STAB1: variants seen among roughly 807,000 people sequenced by gnomAD.
STAB1 encodes stabilin 1.
In STAB1, 250 loss-of-function variants were observed where a neutral mutation model predicts 332.4. That is an observed-to-expected ratio of 0.75 (90% CI 0.68 to 0.84). The LOEUF is 0.84. STAB1 is among the 40% of genes least tolerant of loss of function. The pLI is 0.00. For synonymous variants in STAB1, 1,475 were observed against 1,390.4 expected, an observed-to-expected ratio of 1.06 and a Z score of -1.35; for missense variants, 3,249 against 3,489.7, an observed-to-expected ratio of 0.93 and a Z score of 1.74.
At chr3:52,506,889 C>A (rs1474656555) in intron 18 of STAB1, 39 bp downstream of exon 18, 5 of 1,601,990 alleles carry the variant, frequency 3.1e-6, no homozygotes, top group East Asian at 2.2e-5. Context: ...TACTCACTAA[C>A]CCCTGTCAGC....
In STAB1 at chr3:52,518,789, C is replaced by A; in HGVS notation, c.4954C>A (p.Arg1652=). ...VFRYHVVGCR[R]LRSEDLLEQG... ...TCGCTACCACGTGGTTGGCTGTCGG[C>A]GGCTGCGGAGCGAGGACCTGCTGGA... Residue 1652 remains arginine (R), a synonymous_variant, in exon 48 of 69, where the codon CGG becomes AGG. Transcript: ENST00000321725. The A allele has an allele frequency of 1.2e-6, 2 of 1,612,094 alleles. No individual in the cohort carries two copies. The highest frequency in any genetic ancestry group is 1.1e-5 in the South Asian group (1 of 91,068).
In STAB1 at chr3:52,515,450, C is replaced by A; in HGVS notation, c.3892C>A (p.Arg1298=). The change falls in exon 37 of 69, where the codon CGA becomes AGA. Residue 1298 remains arginine, a synonymous_variant. Transcript: ENST00000321725. ...QDTPRKSCVY[R]SGFSFSRGCS... is the part of the protein sequence containing the mutation. Reference sequence around the variant, plus strand: ...CACACCCAGGAAGAGCTGTGTCTACCGATCTGGCTTCTCCTTCTCCCGGGG... The same window carrying A: ...CACACCCAGGAAGAGCTGTGTCTACAGATCTGGCTTCTCCTTCTCCCGGGG... 3.1e-6 allele frequency: 5 copies of A among 1,613,448 alleles called. No homozygotes were observed. The highest frequency in any genetic ancestry group is 4.2e-6 in the Non-Finnish European group (5 of 1,180,014).
At chr3:52,508,392 G>T (rs1344190048) in intron 21 of STAB1, 33 bp downstream of exon 21, 1 of 1,607,040 alleles carries the variant, frequency 6.2e-7, no homozygotes, top group South Asian at 1.1e-5. Flanking sequence ...GTGAGGTATG[G>T]GGAACACAAG....
chr3:52,498,842 C>T (rs1240530150), intron 1 of STAB1, among the ~76,000 whole-genome samples: 1 of 152,248 alleles, frequency 6.6e-6, no homozygotes, highest in Admixed American at 6.5e-5. Context: ...CTCCCTGGCT[C>T]AGCAAAGGCG....
Position 52,518,346 on chromosome 3 carries a change from G to A in STAB1, c.4796G>A (p.Ser1599Asn). Residue 1599 changes from serine to asparagine, a missense_variant, in exon 46 of 69, where the codon AGC becomes AAC. Physicochemically the swap from Ser to Asn is conservative, Grantham distance 46. Coordinates refer to ENST00000321725, the MANE Select transcript of STAB1 (RefSeq NM_015136.3). ...AGGGATAAGCATGCCTCATTCTTCA[G>A]CCTCCGCCTCCTGGTGAGTGGCCAG... Reference protein sequence around the residue: ...LLRDKHASFFSLRLLEYKELK... With the variant: ...LLRDKHASFFNLRLLEYKELK... The A allele has an allele frequency of 1.2e-6, 2 of 1,612,650 alleles. No homozygotes were observed. Among genetic ancestry groups the A allele is most frequent in the Admixed American group, 3.3e-5 (2 of 59,970 alleles).
At position 52,507,927 on chromosome 3, in the gene STAB1, C is replaced by A. The variant is rs118094465; in HGVS notation, c.2053-4C>A. The A allele has an allele frequency of 6.2e-7, 1 of 1,612,962 alleles. No homozygotes were observed. The highest frequency in any genetic ancestry group is 8.5e-7 in the Non-Finnish European group (1 of 1,179,566). On this transcript the variant is annotated splice_polypyrimidine_tract_variant and splice_region_variant and intron_variant, in intron 19 of 68. Transcript: ENST00000321725. ...ACTGACTGGCTTTGCATGGCCCACC[C>A]TAGGACATCTTCCCCAAGGAGTGTG...
intron 48 of STAB1, 48 bp from the exon 49 acceptor site, chr3:52,519,216 C>A (rs893098580): frequency 1.3e-6 from 2 of 1,585,346 alleles, no homozygotes; most frequent in East Asian, 2.2e-5. Flanking sequence ...CCGATAGCTT[C>A]CGAGCACCCC....
In STAB1 at chr3:52,520,017, C is replaced by T. The variant is rs1280424551; in HGVS notation, c.5309C>T (p.Ala1770Val). 1 of 1,612,550 alleles carries T rather than the reference C, an allele frequency of 6.2e-7. No homozygotes were observed. The highest frequency in any genetic ancestry group is 8.5e-7 in the Non-Finnish European group (1 of 1,179,890). The change falls in exon 51 of 69, where the codon GCC becomes GTC. Residue 1770 changes from alanine to valine, a missense_variant. Ala to Val is a moderately conservative substitution (Grantham distance 64). Coordinates refer to ENST00000321725, the MANE Select transcript of STAB1 (RefSeq NM_015136.3). Reference sequence around the variant, plus strand: ...ACAATGCTGTGGCCCACAGACGCCGCCTTTCGAGCTCTGCCTCCGGATCGC... The same window carrying T: ...ACAATGCTGTGGCCCACAGACGCCGTCTTTCGAGCTCTGCCTCCGGATCGC... Reference protein sequence around the residue: ...PFTMLWPTDAAFRALPPDRQA... With the variant: ...PFTMLWPTDAVFRALPPDRQA...
rs1709535556 is a variant in STAB1, at chr3:52,514,502, G to A, written c.3678+6G>A. On this transcript the variant is annotated splice_donor_region_variant and intron_variant, in intron 34 of 68. Transcript: ENST00000321725. ...TCTACAACCACAGTGGCCAGGTTTG[G>A]GGGTCAGGGAGCAAGGAGACCCTAG... is the stretch of plus-strand genomic sequence containing the variant. 1.3e-6 allele frequency: 2 copies of A among 1,524,060 alleles called. No homozygotes were observed. Among genetic ancestry groups the A allele is most frequent in the Admixed American group, 2.1e-5 (1 of 46,568 alleles). 94.4% of individuals were successfully genotyped at this position (1,524,060 alleles called of 1,614,324 possible). A position where few individuals can be genotyped will look rare whatever the true frequency, so the allele number is the denominator to read the frequency against.
In STAB1 at chr3:52,523,460, T is replaced by TCCAACGCCACCCTCCTAAGTG; in HGVS notation, c.7184_7204dup (p.Thr2395_Ala2401dup). On this transcript the variant is annotated inframe_insertion, in exon 65 of 69. Coordinates refer to ENST00000321725, the MANE Select transcript of STAB1 (RefSeq NM_015136.3). The stretch of plus-strand genomic sequence containing the variant: ...TGGCCCAGACTTGGAGCTGCATGCC[T>TCCAACGCCACCCTCCTAAGTG]CCAACGCCACCCTCCTAAGTGCCAA... The TCCAACGCCACCCTCCTAAGTG allele has an allele frequency of 1.2e-6, 2 of 1,610,474 alleles. No homozygotes were observed. Among genetic ancestry groups the TCCAACGCCACCCTCCTAAGTG allele is most frequent in the Non-Finnish European group, 1.7e-6 (2 of 1,178,138 alleles).
At chr3:52,511,996 CCTTGCTCCA>C (rs1387940658) in intron 26 of STAB1, among the ~76,000 whole-genome samples, 2 of 152,254 alleles carry the variant, frequency 1.3e-5, no homozygotes, top group Admixed American at 6.5e-5. Flanking sequence ...CATCCCCTGC[CCTTGCTCCA>C]CTGTACCACA....
intron 43 of STAB1, 59 bp downstream of exon 43, chr3:52,517,452 C>T (rs2078912324): frequency 6.4e-7 from 1 of 1,572,200 alleles, no homozygotes; most frequent in African/African-American, 1.4e-5. Flanking sequence ...GATGGGGCCT[C>T]CCTTCAGGGC....
chr3:52,505,439 T>C lies in STAB1; in HGVS notation c.1581+58T>C, dbSNP rs1296886977. On this transcript the variant is annotated intron_variant, in intron 14 of 68. Transcript: ENST00000321725. ...GGCTTCTGGGCTTCTGAGCCAGGAC[T>C]CATTATCCCAGATTCTGCCCCACAG... The C allele has an allele frequency of 9.0e-6, 14 of 1,548,272 alleles. No individual in the cohort carries two copies. The Middle Eastern group carries it at 5.0e-4, about 55-fold the overall frequency.
chr3:52,516,266 G>GGGGGGGGGCGCC, intron 38 of STAB1, 28 bp downstream of exon 38: 1 of 794,386 alleles, frequency 1.3e-6, no homozygotes, highest in East Asian at 2.8e-5. Context: ...GCGGGGGTGG[G>GGGGGGGGGCGCC]CCTCCTGGCA....
intron 53 of STAB1, 34 bp from the exon 54 acceptor site, chr3:52,520,608 C>G (rs2079040561): frequency 6.2e-7 from 1 of 1,612,722 alleles, no homozygotes; most frequent in Admixed American, 1.7e-5. Context: ...GTCCATCCAC[C>G]TGACTTTGCT....
chr3:52,497,422 T>C (rs1708118387), intron 1 of STAB1, among the ~76,000 whole-genome samples: 2 of 146,242 alleles, frequency 1.4e-5, no homozygotes, highest in Admixed American at 6.8e-5. Flanking sequence ...TTTTTTTTTT[T>C]TTTTTTTTGA....
In STAB1 at chr3:52,500,777, G is replaced by C. The variant is rs143563939; in HGVS notation, c.79-389G>C. On this transcript the variant is annotated intron_variant, in intron 1 of 68. Transcript: ENST00000321725. ...TGGTTCACACCCTGTTCATGGATGAGATTGGGTAGCGGCCATGTCCTGGGC... is the reference window on the plus strand; with the variant it reads ...TGGTTCACACCCTGTTCATGGATGACATTGGGTAGCGGCCATGTCCTGGGC... Among the ~76,000 whole-genome samples, 136 of 152,374 alleles carry C rather than the reference G, an allele frequency of 8.9e-4. 3 individuals carry two copies. The East Asian group carries it at 0.024, about 27-fold the overall frequency.
intron 50 of STAB1, 63 bp downstream of exon 50, chr3:52,519,627 T>C: frequency 1.9e-6 from 3 of 1,599,434 alleles, no homozygotes; most frequent in Non-Finnish European, 2.6e-6. Flanking sequence ...TGTGCAAGTG[T>C]GTATGCGTAC....
chr3:52,518,610 G>T lies in STAB1; in HGVS notation c.4884G>T (p.Ser1628=). 2 of 1,606,882 alleles carry T rather than the reference G, an allele frequency of 1.2e-6. No individual in the cohort carries two copies. Among genetic ancestry groups the T allele is most frequent in the Non-Finnish European group, 1.7e-6 (2 of 1,177,108 alleles). ...VPHADLMSNL[S]QDELARIRAH... is the part of the protein sequence containing the mutation. ...ACGCAGATCTAATGAGCAACCTGTC[G>T]CAGGTATGCAGCCCCCAGAGCGAGG... Residue 1628 remains serine, a synonymous_variant, in exon 47 of 69, where the codon TCG becomes TCT. Transcript: ENST00000321725.
Sources: gnomAD v4.1 joint callset for allele counts (sites outside exome capture counted in the v4.1 genomes callset) on GRCh38, gnomAD v4.1.1 for gene constraint, MANE v1.5 for transcripts, NCBI Gene and HGNC (gene_info 2026-07-23, HGNC 2026-07-21) for gene names.